SCHIP1: variants seen among roughly 807,000 people sequenced by gnomAD.
The protein encoded by SCHIP1 is schwannomin-interacting protein 1.
SCHIP1 carries 8 observed loss-of-function variants against 29.7 expected under a neutral mutation model. The ratio of observed to expected loss-of-function variants is 0.27; its 90% CI spans 0.16 to 0.49. The LOEUF (loss-of-function observed/expected upper bound fraction) is 0.49. Among genes scored for constraint, SCHIP1 ranks in the 20% least tolerant of loss-of-function variants. The pLI is 0.99. For synonymous variants in SCHIP1, 76 were observed against 94.9 expected, an observed-to-expected ratio of 0.80 and a Z score of 1.16; for missense variants, 193 against 294.6, an observed-to-expected ratio of 0.66 and a Z score of 2.52.
chr3:159,386,462 A>C, the SCHIP1 span, among the ~76,000 whole-genome samples: 1 of 152,226 alleles, frequency 6.6e-6, no homozygotes, highest in Middle Eastern at 3.2e-3. Flanking sequence ...GAAAATGAAC[A>C]TACTGCCCAA....
At chr3:159,600,848 C>T in the SCHIP1 span, among the ~76,000 whole-genome samples, 1 of 152,158 alleles carries the variant, frequency 6.6e-6, no homozygotes, top group Non-Finnish European at 1.5e-5. Context: ...GAAGATATAT[C>T]TGTGATGTTG....
the SCHIP1 span, chr3:159,275,084 G>A: frequency 4.9e-5 from 48 of 972,846 alleles, no homozygotes; most frequent in Non-Finnish European, 5.7e-5. Context: ...CATAATTTTA[G>A]AGGATGTAAC....
chr3:159,343,556 A>C, the SCHIP1 span, among the ~76,000 whole-genome samples: 1 of 152,214 alleles, frequency 6.6e-6, no homozygotes, highest in Non-Finnish European at 1.5e-5. Context: ...TTTGATGGCA[A>C]ATCACAAGAG....
chr3:159,379,741 T>C, the SCHIP1 span, among the ~76,000 whole-genome samples: 1,008 of 152,070 alleles, frequency 6.6e-3, 10 homozygotes, highest in South Asian at 0.033. Flanking sequence ...CTCAACCACA[T>C]GACAAAAAGA....
At chr3:159,651,549 G>T in the SCHIP1 span, among the ~76,000 whole-genome samples, 1 of 152,110 alleles carries the variant, frequency 6.6e-6, no homozygotes, top group East Asian at 1.9e-4. Flanking sequence ...TTTGGTTATT[G>T]CCTCAATCAC....
At chr3:159,734,813 T>G in the SCHIP1 span, among the ~76,000 whole-genome samples, 27,384 of 143,508 alleles carry the variant, frequency 0.19, 3,380 homozygotes, top group African/African-American at 0.34. Flanking sequence ...TTTTTTTCTA[T>G]TGCCTGGGAA....
At chr3:159,397,325 A>G in the SCHIP1 span, among the ~76,000 whole-genome samples, 1 of 152,162 alleles carries the variant, frequency 6.6e-6, no homozygotes, top group African/African-American at 2.4e-5. Flanking sequence ...TCAGCTCGTT[A>G]AAGTCATTCT....
the SCHIP1 span, among the ~76,000 whole-genome samples, chr3:159,314,308 G>A: frequency 6.6e-6 from 1 of 152,168 alleles, no homozygotes; most frequent in African/African-American, 2.4e-5. Context: ...TGGAAGTCCA[G>A]TATTTGGAGT....
At chr3:159,840,348 A>G in intron 1 of SCHIP1, 3 of 749,698 alleles carry the variant, frequency 4.0e-6, no homozygotes, top group Admixed American at 2.1e-5. Context: ...CATCACGTGC[A>G]GTATCTGAAT....
the SCHIP1 span, among the ~76,000 whole-genome samples, chr3:159,784,008 C>A: frequency 6.6e-6 from 1 of 152,200 alleles, no homozygotes; most frequent in Non-Finnish European, 1.5e-5. Context: ...CTGTGCTTTG[C>A]AGGCAGGTCC....
chr3:159,508,544 T>C, the SCHIP1 span, among the ~76,000 whole-genome samples: 1 of 152,222 alleles, frequency 6.6e-6, no homozygotes, highest in Non-Finnish European at 1.5e-5. Context: ...TCTCTAGTTC[T>C]TTTAATTGTG....
the SCHIP1 span, among the ~76,000 whole-genome samples, chr3:159,433,678 T>C: frequency 6.6e-6 from 1 of 152,162 alleles, no homozygotes; most frequent in Non-Finnish European, 1.5e-5. Flanking sequence ...ATCTCAGTTT[T>C]CTTGTCTGTA....
chr3:159,777,462 C>T, the SCHIP1 span, among the ~76,000 whole-genome samples: 1 of 149,132 alleles, frequency 6.7e-6, no homozygotes, highest in African/African-American at 2.5e-5. Context: ...AGGAAAAAAA[C>T]AAGACCCACT....
At chr3:159,571,984 AT>A in the SCHIP1 span, among the ~76,000 whole-genome samples, 3 of 152,034 alleles carry the variant, frequency 2.0e-5, no homozygotes, top group Admixed American at 6.5e-5. Flanking sequence ...CTCCTTTATC[AT>A]TTTTTATTGC....
the SCHIP1 span, among the ~76,000 whole-genome samples, chr3:159,492,503 G>C: frequency 6.6e-6 from 1 of 152,124 alleles, no homozygotes; most frequent in East Asian, 1.9e-4. Context: ...GGGTATCAGC[G>C]ATGGAAGATG....
chr3:159,317,987 G>C, the SCHIP1 span, among the ~76,000 whole-genome samples: 2 of 152,140 alleles, frequency 1.3e-5, no homozygotes, highest in Non-Finnish European at 2.9e-5. Context: ...GTTCAGTGTT[G>C]GTCTCTGCTG....
At chr3:159,892,419 T>G (rs778875101) in intron 6 of SCHIP1, 8 of 605,260 alleles carry the variant, frequency 1.3e-5, no homozygotes, top group Admixed American at 8.8e-5. Flanking sequence ...TGTCAGTGCA[T>G]TACTTCTCAC....
chr3:159,299,279 C>T, the SCHIP1 span, among the ~76,000 whole-genome samples: 67,064 of 151,900 alleles, frequency 0.44, 15,161 homozygotes, highest in African/African-American at 0.52. Flanking sequence ...GTTTCAGTCA[C>T]TCAAGTGCTC....
the SCHIP1 span, among the ~76,000 whole-genome samples, chr3:159,563,718 C>CT: frequency 6.6e-6 from 1 of 151,978 alleles, no homozygotes; most frequent in African/African-American, 2.4e-5. Context: ...CCCAGCTACT[C>CT]TGAGGCTAAG....
Sources: gnomAD v4.1 joint callset for allele counts (sites outside exome capture counted in the v4.1 genomes callset) on GRCh38, gnomAD v4.1.1 for gene constraint, MANE v1.5 for transcripts, NCBI Gene and HGNC (gene_info 2026-07-23, HGNC 2026-07-21) for gene names.